Variants in ZFHX3 observed in about 807,000 individuals in gnomAD.
ZFHX3 encodes the protein zinc finger homeobox protein 3.
A neutral mutation model predicts 279.1 loss-of-function variants in ZFHX3; 42 were observed. That is an observed-to-expected ratio of 0.15 (90% CI 0.12 to 0.19). ZFHX3 has a LOEUF of 0.19. ZFHX3 is among the 10% of genes least tolerant of loss of function. ZFHX3 has a pLI of 1.00. For synonymous variants in ZFHX3, 2,293 were observed against 1,957.8 expected, an observed-to-expected ratio of 1.17 and a Z score of -4.52; for missense variants, 4,981 against 4,754.0, an observed-to-expected ratio of 1.05 and a Z score of -1.40.
At chr16:72,862,453 T>C (rs775924365) in intron 4 of ZFHX3, among the ~76,000 whole-genome samples, 3 of 152,252 alleles carry the variant, frequency 2.0e-5, no homozygotes, top group Non-Finnish European at 4.4e-5. Context: ...TGAGGAAAGC[T>C]TTCCCTTGAT....
intron 7 of ZFHX3, among the ~76,000 whole-genome samples, chr16:72,811,375 C>T (rs1038657900): frequency 4.6e-5 from 7 of 152,164 alleles, no homozygotes; most frequent in Admixed American, 1.3e-4. Context: ...GGTTGAGAAA[C>T]ACATGTTCAG....
At chr16:72,821,594 G>A (rs750295302) in intron 5 of ZFHX3, among the ~76,000 whole-genome samples, 19 of 152,180 alleles carry the variant, frequency 1.2e-4, no homozygotes, top group Non-Finnish European at 2.1e-4. Flanking sequence ...CTCTTTACCC[G>A]AAGGCATCAT....
At position 73,371,242 on chromosome 16, in the gene ZFHX3, G is replaced by A. The variant is rs879769458; in HGVS notation, c.-1290-52906C>T. 2.0e-3 allele frequency among the ~76,000 whole-genome samples: 310 copies of A among 151,814 alleles called. 1 individual carries two copies. Among genetic ancestry groups the A allele is most frequent in the Non-Finnish European group, 3.0e-3 (207 of 67,934 alleles). On this transcript the variant is annotated intron_variant, in intron 3 of 17. Transcript: ENST00000641206. ...GAATCACTTGAGCCCAGGAGGCGGA[G>A]GTTGCAGTGAGCCGAGATCGCACCA...
chr16:73,088,490 A>G (rs1327814294), intron 8 of ZFHX3, among the ~76,000 whole-genome samples: 1 of 152,170 alleles, frequency 6.6e-6, no homozygotes, highest in East Asian at 1.9e-4. Flanking sequence ...TACCATCTCC[A>G]TGATTGCATG....
intron 5 of ZFHX3, among the ~76,000 whole-genome samples, chr16:73,239,129 ATTAC>A (rs1230647756): frequency 4.6e-5 from 7 of 152,180 alleles, no homozygotes; most frequent in African/African-American, 1.7e-4. Flanking sequence ...ATAAATTAAT[ATTAC>A]TATTTTTATT....
intron 1 of ZFHX3, among the ~76,000 whole-genome samples, chr16:73,026,648 C>A: frequency 8.3e-6 from 1 of 119,896 alleles, no homozygotes; most frequent in Non-Finnish European, 1.7e-5. Context: ...TGCACTCTAG[C>A]CCGGCAACAA....
intron 3 of ZFHX3, among the ~76,000 whole-genome samples, chr16:73,379,390 T>A (rs2016782029): frequency 6.6e-6 from 1 of 152,104 alleles, no homozygotes; most frequent in Non-Finnish European, 1.5e-5. Context: ...TATTGTGGGC[T>A]GGCAGACTCT....
At chr16:73,222,797 G>A (rs968052073) in intron 5 of ZFHX3, among the ~76,000 whole-genome samples, 10 of 152,046 alleles carry the variant, frequency 6.6e-5, no homozygotes, top group Admixed American at 5.9e-4. Flanking sequence ...CTGAAGGACA[G>A]GTACTAGCCA....
At chr16:73,492,937 C>CAATA (rs3087037) in intron 2 of ZFHX3, among the ~76,000 whole-genome samples, 11,078 of 151,410 alleles carry the variant, frequency 0.073, 738 homozygotes, top group Admixed American at 0.23. Context: ...AGTAGGTGCT[C>CAATA]AATAAATAAA....
At chr16:73,285,242 G>A (rs1234548208) in intron 4 of ZFHX3, among the ~76,000 whole-genome samples, 2 of 152,188 alleles carry the variant, frequency 1.3e-5, no homozygotes, top group African/African-American at 2.4e-5. Flanking sequence ...TTAGGATATC[G>A]ATGCTCTGTG....
intron 2 of ZFHX3, among the ~76,000 whole-genome samples, chr16:73,647,206 G>A (rs1287026595): frequency 1.3e-5 from 2 of 151,996 alleles, no homozygotes; most frequent in South Asian, 4.1e-4. Flanking sequence ...TAGAGACGGG[G>A]TTTCACCGTG....
chr16:73,761,915 A>T (rs547974451), intron 1 of ZFHX3, among the ~76,000 whole-genome samples: 1 of 152,322 alleles, frequency 6.6e-6, no homozygotes, highest in Middle Eastern at 3.4e-3. Flanking sequence ...TTCAGGACAT[A>T]GGCACGGGTA....
intron 1 of ZFHX3, among the ~76,000 whole-genome samples, chr16:73,783,062 G>C (rs184868098): frequency 6.6e-6 from 1 of 152,236 alleles, no homozygotes; most frequent in Admixed American, 6.5e-5. Flanking sequence ...CACTGAAATG[G>C]AGGCCATGGT....
intron 2 of ZFHX3, among the ~76,000 whole-genome samples, chr16:73,562,235 T>C (rs1178621923): frequency 6.6e-6 from 1 of 152,184 alleles, no homozygotes; most frequent in Non-Finnish European, 1.5e-5. Context: ...TAAAATGTTC[T>C]AGACTGAAGG....
intron 5 of ZFHX3, among the ~76,000 whole-genome samples, chr16:73,152,065 C>T (rs1338194724): frequency 6.6e-6 from 1 of 152,018 alleles, no homozygotes; most frequent in Non-Finnish European, 1.5e-5. Context: ...TAAGACATTT[C>T]CCTCACTCCA....
At chr16:73,094,424 C>T (rs1272548289) in intron 7 of ZFHX3, 2 of 152,134 alleles carry the variant, frequency 1.3e-5, no homozygotes, top group Admixed American at 6.6e-5. Context: ...ACATGGTTGT[C>T]TGTCCCCTCC....
At chr16:73,175,878 G>C (rs946234524) in intron 5 of ZFHX3, among the ~76,000 whole-genome samples, 4 of 151,982 alleles carry the variant, frequency 2.6e-5, no homozygotes, top group Non-Finnish European at 5.9e-5. Flanking sequence ...TTCCAACTTG[G>C]GATGACAAAT....
intron 2 of ZFHX3, among the ~76,000 whole-genome samples, chr16:73,510,603 T>C (rs1198080257): frequency 1.3e-5 from 2 of 152,338 alleles, no homozygotes; most frequent in East Asian, 1.9e-4. Flanking sequence ...TGTACTGATA[T>C]GTAGGTGATA....
At chr16:73,614,089 T>A (rs889481158) in intron 2 of ZFHX3, among the ~76,000 whole-genome samples, 2 of 152,214 alleles carry the variant, frequency 1.3e-5, no homozygotes, top group African/African-American at 4.8e-5. Flanking sequence ...CTTGGTGATA[T>A]CTATGCCTGG....
Sources: allele counts gnomAD v4.1 joint callset (sites outside exome capture counted in the v4.1 genomes callset), GRCh38; gene constraint gnomAD v4.1.1; transcripts MANE v1.5; gene names NCBI Gene and HGNC (gene_info 2026-07-23, HGNC 2026-07-21).